Variants in CERS3 observed in about 807,000 individuals in gnomAD.
CERS3 encodes the protein LAG1 homolog, ceramide synthase 3.
CERS3 carries 33 observed loss-of-function variants against 50.3 expected under a neutral mutation model. The observed-to-expected ratio is 0.66, with a 90% CI of 0.50 to 0.88. The LOEUF (loss-of-function observed/expected upper bound fraction) is 0.88, where lower values mean the gene tolerates loss of function less well. CERS3 is among the 40% of genes least tolerant of loss of function. The pLI is 0.00. For missense variants in CERS3, 470 were observed against 460.3 expected, an observed-to-expected ratio of 1.02 and a Z score of -0.19; for synonymous variants, 176 against 155.2, an observed-to-expected ratio of 1.13 and a Z score of -0.99.
intron 11 of CERS3, among the ~76,000 whole-genome samples, chr15:100,441,356 C>A (rs1388542806): frequency 1.3e-5 from 2 of 151,180 alleles, no homozygotes; most frequent in East Asian, 3.9e-4. Context: ...TGCCCCGACC[C>A]CTTATCTCTG....
At chr15:100,475,286 C>T (rs2035090974) in intron 8 of CERS3, among the ~76,000 whole-genome samples, 1 of 152,094 alleles carries the variant, frequency 6.6e-6, no homozygotes, top group African/African-American at 2.4e-5. Flanking sequence ...GCAGTGTGTC[C>T]CTTATAATGG....
At chr15:100,418,043 T>C (rs369078545) in intron 11 of CERS3, among the ~76,000 whole-genome samples, 159 of 151,222 alleles carry the variant, frequency 1.1e-3, no homozygotes, top group African/African-American at 3.6e-3. Context: ...TCCAAAGGAA[T>C]GCAGTTCCTC....
intron 3 of CERS3, 60 bp from the exon 4 acceptor site, chr15:100,490,991 A>G (rs2035633643): frequency 1.0e-6 from 1 of 970,208 alleles, no homozygotes; most frequent in African/African-American, 1.7e-5. Context: ...CGATGACACC[A>G]GAAAATTAAA....
intron 11 of CERS3, among the ~76,000 whole-genome samples, chr15:100,432,678 G>T (rs2033193715): frequency 6.6e-6 from 1 of 152,192 alleles, no homozygotes; most frequent in Non-Finnish European, 1.5e-5. Context: ...AGAGAGTGAT[G>T]AGGTAGGTGA....
chr15:100,540,438 G>A (rs2142437696), intron 1 of CERS3, among the ~76,000 whole-genome samples: 1 of 152,284 alleles, frequency 6.6e-6, no homozygotes, highest in East Asian at 1.9e-4. Context: ...CAGGTACTTG[G>A]GAGGCTGAGG....
At chr15:100,435,615 T>A (rs1041410409) in intron 11 of CERS3, among the ~76,000 whole-genome samples, 4 of 152,102 alleles carry the variant, frequency 2.6e-5, no homozygotes, top group South Asian at 4.1e-4. Flanking sequence ...AAGCCAGAAT[T>A]GACAAATGGG....
chr15:100,544,376 CT>C (rs2037290931), intron 1 of CERS3: 1 of 138,112 alleles, frequency 7.2e-6, no homozygotes, highest in Non-Finnish European at 1.6e-5. Context: ...GACACGGGCC[CT>C]CTCTCGGCCT....
chr15:100,527,113 G>A (rs2036817303), intron 1 of CERS3, among the ~76,000 whole-genome samples: 1 of 151,956 alleles, frequency 6.6e-6, no homozygotes, highest in African/African-American at 2.4e-5. Context: ...GACCAACATG[G>A]CGAAACCCCC....
Position 100,483,777 on chromosome 15 carries a change from T to TA in CERS3, c.407+772dup, listed in dbSNP as rs1567652603. 5.0e-5 allele frequency among the ~76,000 whole-genome samples: 2 copies of TA among 39,746 alleles called. 1 individual carries two copies. Among genetic ancestry groups the TA allele is most frequent in the East Asian group, 1.3e-3 (2 of 1,498 alleles). The allele number at this position is 39,746 out of a possible 152,430, so 26.1% of individuals were successfully genotyped here. A position where few individuals can be genotyped will look rare whatever the true frequency, so the allele number is the denominator to read the frequency against. On this transcript the variant is annotated intron_variant, in intron 5 of 11. Coordinates refer to ENST00000679737, the MANE Select transcript of CERS3 (RefSeq NM_001378789.1). ...CAGAAGGATCAATAATAATAATAAT[T>TA]ATTATTATTATTTTTTTTTTTGAGA...
At chr15:100,507,366 C>T (rs1477039678) in intron 2 of CERS3, among the ~76,000 whole-genome samples, 1 of 152,176 alleles carries the variant, frequency 6.6e-6, no homozygotes, top group African/African-American at 2.4e-5. Flanking sequence ...CTCCAGCCAG[C>T]CTCATCTTTT....
chr15:100,509,818 G>A (rs1212103496), intron 2 of CERS3, among the ~76,000 whole-genome samples: 1 of 152,102 alleles, frequency 6.6e-6, no homozygotes, highest in Non-Finnish European at 1.5e-5. Context: ...ATGAATGGAT[G>A]TAAAGCTTAC....
chr15:100,525,715 T>C (rs2036768549), intron 1 of CERS3, among the ~76,000 whole-genome samples: 1 of 152,236 alleles, frequency 6.6e-6, no homozygotes, highest in African/African-American at 2.4e-5. Context: ...TTAATTAGAC[T>C]TTTAGCTTCA....
chr15:100,523,520 T>C (rs1438278253), intron 1 of CERS3, among the ~76,000 whole-genome samples: 1 of 151,752 alleles, frequency 6.6e-6, no homozygotes, highest in African/African-American at 2.4e-5. Flanking sequence ...GCTAACACGG[T>C]GAAACCCTGT....
chr15:100,532,604 A>AG (rs2036964703), upstream of CERS3, among the ~76,000 whole-genome samples: 1 of 151,372 alleles, frequency 6.6e-6, no homozygotes, highest in Admixed American at 6.6e-5. Context: ...TGTCTCTACA[A>AG]GAAAAAAAAA....
In CERS3 at chr15:100,469,459, C is replaced by T. The variant is rs779586622; in HGVS notation, c.764G>A (p.Gly255Glu). 1 of 1,613,790 alleles carries T rather than the reference C, an allele frequency of 6.2e-7. No homozygotes were observed. Among genetic ancestry groups the T allele is most frequent in the Admixed American group, 1.7e-5 (1 of 60,006 alleles). ...CAGGGTGTTACAGGTCTGCGTCCAT[C>T]CAGCATAAGAAAACATCTTAGCAGA... is the stretch of plus-strand genomic sequence containing the variant. Reference protein sequence around the residue: ...LESAKMFSYAGWTQTCNTLFF... With the variant: ...LESAKMFSYAEWTQTCNTLFF... The change falls in exon 10 of 12, where the codon GGA (glycine) becomes GAA (glutamate). Residue 255 changes from glycine to glutamate, a missense_variant. Physicochemically the swap from Gly to Glu is moderately conservative, Grantham distance 98. Coordinates refer to ENST00000679737, the MANE Select transcript of CERS3 (RefSeq NM_001378789.1).
At chr15:100,520,232 A>G (rs974557535) in intron 2 of CERS3, among the ~76,000 whole-genome samples, 3 of 152,198 alleles carry the variant, frequency 2.0e-5, no homozygotes, top group African/African-American at 7.2e-5. Context: ...ACACATGCAC[A>G]TCAGGCTCCT....
chr15:100,448,138 G>T (rs568132459), intron 11 of CERS3, among the ~76,000 whole-genome samples: 1 of 152,138 alleles, frequency 6.6e-6, no homozygotes, highest in African/African-American at 2.4e-5. Flanking sequence ...TCATCATAAA[G>T]GTTGTCCAAA....
chr15:100,455,820 A>G (rs2034347728), intron 11 of CERS3, 73 bp downstream of exon 11: 2 of 894,486 alleles, frequency 2.2e-6, no homozygotes, highest in Admixed American at 3.0e-5. Flanking sequence ...ATTAACTTGA[A>G]CATTCAACAG....
chr15:100,473,698 A>G (rs763353601), intron 8 of CERS3, among the ~76,000 whole-genome samples: 4 of 152,270 alleles, frequency 2.6e-5, no homozygotes, highest in Non-Finnish European at 5.9e-5. Flanking sequence ...CAGTGCTGGT[A>G]GGGATGCAAA....
Sources: gnomAD v4.1 joint callset for allele counts (sites outside exome capture counted in the v4.1 genomes callset) on GRCh38, gnomAD v4.1.1 for gene constraint, MANE v1.5 for transcripts, NCBI Gene and HGNC (gene_info 2026-07-23, HGNC 2026-07-21) for gene names.